MGARP: variants seen among roughly 807,000 people sequenced by gnomAD.
The protein encoded by MGARP is mitochondria localized glutamic acid rich protein, also known as protein MGARP.
A neutral mutation model predicts 11.0 loss-of-function variants in MGARP; 12 were observed. The ratio of observed to expected loss-of-function variants is 1.09; its 90% CI spans 0.70 to 1.77. MGARP has a LOEUF of 1.77. Ranked by LOEUF, MGARP falls within the 40% of genes most tolerant of loss-of-function variation. The pLI, the probability that MGARP is intolerant of heterozygous loss-of-function variation, is 0.00. For synonymous variants in MGARP, 110 were observed against 115.4 expected (o/e 0.95, Z 0.30); for missense variants, 283 against 297.8 (o/e 0.95, Z 0.36).
chr4:139,280,199 C>G lies in MGARP; in HGVS notation c.-41G>C, dbSNP rs755368711. 5 of 1,572,074 alleles carry G rather than the reference C, an allele frequency of 3.2e-6. No individual in the cohort carries two copies. Among genetic ancestry groups the G allele is most frequent in the Middle Eastern group, 1.8e-4 (1 of 5,662 alleles). ...CCGCGCAGCAGCCTCGGTACCCAGG[C>G]GCAGGCTGCCCTTCCACAGAGAGGC... On this transcript the variant is annotated 5_prime_UTR_variant, in exon 1 of 4. Coordinates refer to ENST00000398955, the MANE Select transcript of MGARP (RefSeq NM_032623.4).
At chr4:139,274,952 T>A (rs1448742076) in intron 2 of MGARP, among the ~76,000 whole-genome samples, 1 of 152,216 alleles carries the variant, frequency 6.6e-6, no homozygotes, top group Non-Finnish European at 1.5e-5. Flanking sequence ...TTATTTTTAC[T>A]GAAAATCATC....
chr4:139,275,741 A>T (rs1002237315), intron 1 of MGARP, among the ~76,000 whole-genome samples: 1 of 152,244 alleles, frequency 6.6e-6, no homozygotes, highest in Admixed American at 6.5e-5. Flanking sequence ...TATGTACTCC[A>T]CTACAGGATT....
At chr4:139,270,209 A>G (rs1744756999) in intron 2 of MGARP, among the ~76,000 whole-genome samples, 2 of 151,368 alleles carry the variant, frequency 1.3e-5, no homozygotes, top group South Asian at 4.2e-4. Context: ...CTGAGGCAGG[A>G]GAATCACTTG....
chr4:139,267,048 G>T lies in MGARP; in HGVS notation c.281-7C>A. 2 of 1,609,058 alleles carry T rather than the reference G, an allele frequency of 1.2e-6. No individual in the cohort carries two copies. The highest frequency in any genetic ancestry group is 2.2e-5 in the South Asian group (2 of 90,766). On this transcript the variant is annotated splice_region_variant and splice_polypyrimidine_tract_variant and intron_variant, in intron 3 of 3. Transcript: ENST00000398955. ...GCAACATTCTCCTTTTCACCTTTAA[G>T]AATTAGTCATTAAGCAAGGTATTAA...
chr4:139,269,587 T>C (rs1440813590), intron 2 of MGARP, among the ~76,000 whole-genome samples: 1 of 140,434 alleles, frequency 7.1e-6, no homozygotes. Context: ...GCCGAGATCA[T>C]GCCATTGCAC....
chr4:139,269,225 G>T (rs1256971791), intron 2 of MGARP, among the ~76,000 whole-genome samples: 1 of 148,232 alleles, frequency 6.7e-6, no homozygotes, highest in Admixed American at 6.7e-5. Context: ...AGAATATCCT[G>T]ACAGGCATAT....
At chr4:139,274,455 CTATTAATTTTTTTAATAGTTA>C (rs1233149530) in intron 2 of MGARP, among the ~76,000 whole-genome samples, 6 of 151,938 alleles carry the variant, frequency 3.9e-5, no homozygotes, top group Non-Finnish European at 7.4e-5. Flanking sequence ...AAAAAAAGAT[CTATTAATTTTTTTAATAGTTA>C]TATTAATTTT....
intron 2 of MGARP, among the ~76,000 whole-genome samples, chr4:139,269,960 T>C (rs551487245): frequency 6.6e-6 from 1 of 152,290 alleles, no homozygotes; most frequent in African/African-American, 2.4e-5. Context: ...TACTACTTAA[T>C]TACAAACAAT....
chr4:139,271,065 C>G (rs1440292218), intron 2 of MGARP, among the ~76,000 whole-genome samples: 1 of 152,088 alleles, frequency 6.6e-6, no homozygotes, highest in African/African-American at 2.4e-5. Flanking sequence ...CTAGGTTTTC[C>G]AAATCCAGCA....
Position 139,280,090 on chromosome 4 carries a change from C to T in MGARP, c.69G>A (p.Pro23=). 1.9e-6 allele frequency: 3 copies of T among 1,612,264 alleles called. No homozygotes were observed. Among genetic ancestry groups the T allele is most frequent in the Non-Finnish European group, 2.5e-6 (3 of 1,179,754 alleles). ...LPLRAPPNPA[P]LGKDASLRRM... is the part of the protein sequence containing the mutation. ...CTCCTTACTCACCGTCCTTTCCGAG[C>T]GGCGCGGGGTTGGGGGGCGCCCTCA... Residue 23 remains proline, a synonymous_variant, in exon 1 of 4, where the codon CCG becomes CCA. Transcript: ENST00000398955.
In MGARP at chr4:139,280,196, A is replaced by G. The variant is rs1239024131; in HGVS notation, c.-38T>C. On this transcript the variant is annotated 5_prime_UTR_variant, in exon 1 of 4. Transcript: ENST00000398955. Reference sequence around the variant, plus strand: ...CCGCCGCGCAGCAGCCTCGGTACCCAGGCGCAGGCTGCCCTTCCACAGAGA... The same window carrying G: ...CCGCCGCGCAGCAGCCTCGGTACCCGGGCGCAGGCTGCCCTTCCACAGAGA... 6.3e-7 allele frequency: 1 copy of G among 1,579,322 alleles called. No individual in the cohort carries two copies. Among genetic ancestry groups the G allele is most frequent in the South Asian group, 1.1e-5 (1 of 87,924 alleles).
In MGARP at chr4:139,266,496, A is replaced by G. The variant is rs1744698325; in HGVS notation, c.*103T>C. The G allele has an allele frequency of 8.6e-7, 1 of 1,157,648 alleles. No homozygotes were observed. The highest frequency in any genetic ancestry group is 1.2e-6 in the Non-Finnish European group (1 of 844,138). The allele number at this position is 1,157,648 out of a possible 1,614,324, so 71.7% of individuals were successfully genotyped here. A position where few individuals can be genotyped will look rare whatever the true frequency, so the allele number is the denominator to read the frequency against. ...TCTTCAAGACCCATTAACGTTTTCT[A>G]GAAAATAAGTCTTTTTTTTTTTAAA... On this transcript the variant is annotated 3_prime_UTR_variant, in exon 4 of 4. Coordinates refer to ENST00000398955, the MANE Select transcript of MGARP (RefSeq NM_032623.4).
intron 3 of MGARP, among the ~76,000 whole-genome samples, chr4:139,268,386 G>C (rs191486173): frequency 2.3e-3 from 347 of 152,322 alleles, no homozygotes; most frequent in Non-Finnish European, 4.2e-3. Flanking sequence ...ATGGGTGGAT[G>C]CCTGAGCAGG....
Position 139,266,815 on chromosome 4 carries a change from C to G in MGARP, c.507G>C (p.Thr169=). 1 of 1,614,122 alleles carries G rather than the reference C, an allele frequency of 6.2e-7. No individual in the cohort carries two copies. The highest frequency in any genetic ancestry group is 8.5e-7 in the Non-Finnish European group (1 of 1,180,028). Residue 169 remains threonine (T), a synonymous_variant, in exon 4 of 4, where the codon ACG becomes ACC. Transcript: ENST00000398955. ...EVTDAAARET[T]EVNPETTPEV... ...CTGGGGTTGTTTCAGGGTTTACTTC[C>G]GTGGTTTCCCTCGCCGCTGCATCTG...
At chr4:139,270,839 A>G (rs1744770108) in intron 2 of MGARP, among the ~76,000 whole-genome samples, 1 of 152,164 alleles carries the variant, frequency 6.6e-6, no homozygotes, top group African/African-American at 2.4e-5. Context: ...TGTAGGACCA[A>G]TATGATAAGT....
chr4:139,276,023 G>A (rs1368788226), intron 1 of MGARP, among the ~76,000 whole-genome samples: 2 of 151,940 alleles, frequency 1.3e-5, no homozygotes, highest in Non-Finnish European at 2.9e-5. Flanking sequence ...AACAGATAAA[G>A]GTACTATATT....
At chr4:139,270,422 A>T (rs911606117) in intron 2 of MGARP, among the ~76,000 whole-genome samples, 3 of 151,668 alleles carry the variant, frequency 2.0e-5, no homozygotes, top group Non-Finnish European at 4.4e-5. Context: ...ATCCTGGCTA[A>T]CATGGTGAAA....
chr4:139,268,689 T>C lies in MGARP; in HGVS notation c.263A>G (p.Glu88Gly), dbSNP rs750437510. Residue 88 changes from glutamate to glycine, a missense_variant, in exon 3 of 4, where the codon GAG becomes GGG. Transcript: ENST00000398955. The stretch of plus-strand genomic sequence containing the variant: ...TCATTTACCTTGAAATGGATGTATC[T>C]CTGCTTTTGTTTTTTCTTTCAAATT... ...KTNLKEKTKA[E>G]IHPFQGEKEN... 60 of 1,607,542 alleles carry C rather than the reference T, an allele frequency of 3.7e-5. No individual in the cohort carries two copies. Among genetic ancestry groups the C allele is most frequent in the Non-Finnish European group, 4.7e-5 (55 of 1,177,304 alleles).
chr4:139,279,024 C>A (rs954624786), intron 1 of MGARP, among the ~76,000 whole-genome samples: 1 of 152,108 alleles, frequency 6.6e-6, no homozygotes, highest in African/African-American at 2.4e-5. Flanking sequence ...TGGAATCCAC[C>A]CTCTGGGGTA....
Sources: allele counts gnomAD v4.1 joint callset (sites outside exome capture counted in the v4.1 genomes callset), GRCh38; gene constraint gnomAD v4.1.1; transcripts MANE v1.5; gene names NCBI Gene and HGNC (gene_info 2026-07-23, HGNC 2026-07-21).